Variants in ZNF208 observed in about 807,000 individuals in gnomAD.
The protein encoded by ZNF208 is zinc finger protein 208.
ZNF208 carries 10 observed loss-of-function variants against 12.1 expected under a neutral mutation model. The observed-to-expected ratio is 0.83, with a 90% CI of 0.51 to 1.40. The LOEUF is 1.40. ZNF208 is among the 40% of genes most tolerant of loss of function. The probability of loss-of-function intolerance (pLI) is 0.00; values close to 1 mark genes in which losing one functional copy is unlikely to be tolerated. For missense variants in ZNF208, 1,652 were observed against 1,485.0 expected, an observed-to-expected ratio of 1.11 and a Z score of -1.85; for synonymous variants, 497 against 488.4, an observed-to-expected ratio of 1.02 and a Z score of -0.23.
At chr19:21,961,319 A>C (rs1385733343), downstream of ZNF208, among the ~76,000 whole-genome samples, 3 of 152,298 alleles carry the variant, frequency 2.0e-5, no homozygotes, top group East Asian at 5.8e-4. Flanking sequence ...GTGTACGAAC[A>C]GGGAGTACAT....
rs1318761426 is a variant in ZNF208 at position 21,971,833 on chromosome 19, GC to G, written c.3200del (p.Ser1067ThrfsTer67). 1 of 1,610,910 alleles carries G rather than the reference GC, an allele frequency of 6.2e-7. No homozygotes were observed. The highest frequency in any genetic ancestry group is 8.5e-7 in the Non-Finnish European group (1 of 1,179,264). On this transcript the variant is annotated frameshift_variant, in exon 4 of 4. Transcript: ENST00000397126. LOFTEE classifies it low-confidence loss of function (END_TRUNC). ...YKCEECGKAF[S>X]WPSRLTEHKA... ...TATGTTCAGTAAGTCTTGAGGGCCAGCTGAAGGCTTTGCCACATTCTTCACA... is the reference window on the plus strand; with the variant it reads ...TATGTTCAGTAAGTCTTGAGGGCCAGTGAAGGCTTTGCCACATTCTTCACA...
chr19:21,940,922 G>A, intron 4 of ZNF208: 1 of 158,360 alleles, frequency 6.3e-6, no homozygotes, highest in Non-Finnish European at 1.4e-5. Flanking sequence ...GCACTAAGCT[G>A]AGCCGCGACC....
At chr19:21,990,080 T>G (rs1016448784) in intron 1 of ZNF208, among the ~76,000 whole-genome samples, 109 of 152,232 alleles carry the variant, frequency 7.2e-4, no homozygotes, top group Non-Finnish European at 9.6e-4. Context: ...AGAAGCTCTT[T>G]AGTTCAATTA....
At chr19:21,993,835 GA>G (rs199539543) in intron 1 of ZNF208, among the ~76,000 whole-genome samples, 43 of 146,758 alleles carry the variant, frequency 2.9e-4, no homozygotes, top group African/African-American at 5.5e-4. Context: ...GTTTGCAGAG[GA>G]AAAAAAAAAG....
At chr19:21,964,314 C>T (rs993152815), downstream of ZNF208, among the ~76,000 whole-genome samples, 1 of 151,576 alleles carries the variant, frequency 6.6e-6, no homozygotes, top group Non-Finnish European at 1.5e-5. Context: ...ACAGTCAGAA[C>T]CCAGCACTCA....
downstream of ZNF208, among the ~76,000 whole-genome samples, chr19:21,962,523 A>G (rs932423264): frequency 2.6e-5 from 4 of 152,056 alleles, no homozygotes; most frequent in South Asian, 2.1e-4. Flanking sequence ...GGAATTTTTC[A>G]TGATCTTTCA....
Position 21,968,918 on chromosome 19 carries a change from C to T in ZNF208, c.*2273G>A, listed in dbSNP as rs150302964. Among the ~76,000 whole-genome samples the T allele has an allele frequency of 7.5e-3, 1,139 of 152,256 alleles. 9 individuals are homozygous for T. Among genetic ancestry groups the T allele is most frequent in the African/African-American group, 0.026 (1,069 of 41,548 alleles). On this transcript the variant is annotated 3_prime_UTR_variant, in exon 4 of 4. Coordinates refer to ENST00000397126, the MANE Select transcript of ZNF208 (RefSeq NM_007153.3). ...TCTGTTATTAGGCCAGGCACTGTGG[C>T]TCATGCCTGCAATCCCAGGACTTTG...
intron 1 of ZNF208, among the ~76,000 whole-genome samples, chr19:21,994,373 A>G (rs1970792383): frequency 6.6e-6 from 1 of 152,186 alleles, no homozygotes; most frequent in South Asian, 2.1e-4. Flanking sequence ...TAAAAAGGCA[A>G]CAGGATTCAT....
intron 1 of ZNF208, among the ~76,000 whole-genome samples, chr19:21,992,972 C>G (rs1261719074): frequency 6.6e-6 from 1 of 152,118 alleles, no homozygotes; most frequent in Non-Finnish European, 1.5e-5. Context: ...TCCTCCTTCT[C>G]TAGGATTCTT....
rs770356828 is a variant in ZNF208 at position 21,972,228 on chromosome 19, T to G, written c.2806A>C (p.Lys936Gln). The G allele has an allele frequency of 6.2e-7, 1 of 1,613,612 alleles. No homozygotes were observed. Among genetic ancestry groups the G allele is most frequent in the Admixed American group, 1.7e-5 (1 of 59,846 alleles). ...FSWLSVFSKH[K>Q]KTHAGEKFYK... The stretch of plus-strand genomic sequence containing the variant: ...AATTTCTCTCCAGCATGAGTTTTCT[T>G]ATGTTTACTAAAGACTGACAACCAG... Residue 936 changes from lysine to glutamine, a missense_variant, in exon 4 of 4, where the codon AAG becomes CAG. Coordinates refer to ENST00000397126, the MANE Select transcript of ZNF208 (RefSeq NM_007153.3).
In ZNF208 at chr19:21,968,017, G is replaced by A. The variant is rs1396418735; in HGVS notation, c.*3174C>T. ...GTTTGTTGCTATTGTAAATAGAGCT[G>A]TGTTTTTTATTTTGTTCTCAGTTTG... On this transcript the variant is annotated 3_prime_UTR_variant, in exon 4 of 4. Transcript: ENST00000397126. 1 of 152,032 alleles carries A rather than the reference G, an allele frequency of 6.6e-6. No homozygotes were observed. Among genetic ancestry groups the A allele is most frequent in the Non-Finnish European group, 1.5e-5 (1 of 67,996 alleles). 9.4% of individuals were successfully genotyped at this position (152,032 alleles called of 1,614,324 possible).
In ZNF208 at chr19:21,960,097, T is replaced by C. The variant is rs1177292129; in HGVS notation, c.305+14632A>G. On this transcript the variant is annotated intron_variant, in intron 4 of 4. Coordinates refer to the ZNF208 transcript ENST00000599916. ...TGACCAATTTAATCAGAAGCTTCTT[T>C]CTTACAACTGTGAGAAATGACACAA... Among the ~76,000 whole-genome samples the C allele has an allele frequency of 2.6e-5, 4 of 152,270 alleles. No individual in the cohort carries two copies. In the East Asian group the frequency reaches 7.7e-4, roughly 29 times the overall value.
chr19:22,000,702 C>A (rs1380749959), intron 1 of ZNF208, among the ~76,000 whole-genome samples: 2 of 151,906 alleles, frequency 1.3e-5, no homozygotes, highest in East Asian at 3.9e-4. Flanking sequence ...CAAGAAATAA[C>A]CAAAATCAGA....
chr19:22,004,248 G>A (rs566030128), intron 1 of ZNF208, among the ~76,000 whole-genome samples: 1 of 152,094 alleles, frequency 6.6e-6, no homozygotes, highest in African/African-American at 2.4e-5. Flanking sequence ...TGGGTATGGT[G>A]GCTCACACTT....
intron 1 of ZNF208, among the ~76,000 whole-genome samples, chr19:22,006,302 C>T (rs1348763038): frequency 1.3e-5 from 2 of 152,122 alleles, no homozygotes; most frequent in Non-Finnish European, 2.9e-5. Context: ...TCTACCTAAT[C>T]TTTGCAATCC....
rs377367568 is a variant in ZNF208 at position 21,993,837 on chromosome 19, A to G, written c.4-4928T>C. Among the ~76,000 whole-genome samples the G allele has an allele frequency of 4.0e-5, 6 of 151,226 alleles. No individual in the cohort carries two copies. The South Asian group carries it at 1.3e-3, about 32-fold the overall frequency. On this transcript the variant is annotated intron_variant, in intron 1 of 3. Coordinates refer to ENST00000397126, the MANE Select transcript of ZNF208 (RefSeq NM_007153.3). ...CTGACTCTTTAAAGTTTGCAGAGGA[A>G]AAAAAAAAGCAGCAATTTCTGAGTA...
chr19:21,960,413 T>A (rs1161310327), intron 4 of ZNF208, among the ~76,000 whole-genome samples: 1 of 152,074 alleles, frequency 6.6e-6, no homozygotes, highest in South Asian at 2.1e-4. Flanking sequence ...GGAAAAAAAG[T>A]GGATTACTCA....
chr19:21,984,001 T>TA (rs1185331594), intron 3 of ZNF208, among the ~76,000 whole-genome samples: 3 of 151,656 alleles, frequency 2.0e-5, no homozygotes, highest in South Asian at 2.1e-4. Context: ...AATCATAATT[T>TA]AAAAAAACAG....
intron 4 of ZNF208, among the ~76,000 whole-genome samples, chr19:21,960,207 A>G (rs1410548173): frequency 1.3e-5 from 2 of 152,134 alleles, no homozygotes; most frequent in African/African-American, 4.8e-5. Flanking sequence ...GTTGATTTTT[A>G]TTGCTATATT....
Sources: allele counts gnomAD v4.1 joint callset (sites outside exome capture counted in the v4.1 genomes callset), GRCh38; gene constraint gnomAD v4.1.1; transcripts MANE v1.5; gene names NCBI Gene and HGNC (gene_info 2026-07-23, HGNC 2026-07-21).